The following MACF1 variants were observed in gnomAD, a reference collection of about 807,000 sequenced individuals.
The protein encoded by MACF1 is microtubule-actin cross-linking factor 1.
In MACF1, 193 loss-of-function variants were observed where a neutral mutation model predicts 854.8. The ratio of observed to expected loss-of-function variants is 0.23; its 90% CI spans 0.20 to 0.25. The LOEUF (loss-of-function observed/expected upper bound fraction) is 0.25. MACF1 is among the 10% of genes least tolerant of loss of function. The pLI is 1.00. For missense variants in MACF1, 7,722 were observed against 8,929.1 expected (o/e 0.86, Z 5.45); for synonymous variants, 3,185 against 3,226.7 (o/e 0.99, Z 0.44).
In MACF1 at chr1:39,444,671, T is replaced by A; in HGVS notation, c.19441T>A (p.Ser6481Thr). The change falls in exon 80 of 101, where the codon TCC becomes ACC. Residue 6481 changes from serine (S) to threonine (T), a missense_variant. Physicochemically the swap from Ser to Thr is moderately conservative, Grantham distance 58 (BLOSUM62 1). Coordinates refer to ENST00000564288, the MANE Select transcript of MACF1 (RefSeq NM_001394062.1). Reference sequence around the variant, plus strand: ...CTGCCTTTTCTTGTAGGAACTCTATTCCCAGCTGAAAGCCAAGGAAGAGAC... The same window carrying A: ...CTGCCTTTTCTTGTAGGAACTCTATACCCAGCTGAAAGCCAAGGAAGAGAC... ...EQLDTHMELY[S>T]QLKAKEETYN... The A allele has an allele frequency of 6.2e-7, 1 of 1,611,088 alleles. No individual in the cohort carries two copies. Among genetic ancestry groups the A allele is most frequent in the Non-Finnish European group, 8.5e-7 (1 of 1,178,134 alleles).
At chr1:39,240,761 A>C (rs2148321021) in intron 2 of MACF1, among the ~76,000 whole-genome samples, 1 of 152,300 alleles carries the variant, frequency 6.6e-6, no homozygotes, top group East Asian at 1.9e-4. Context: ...GGCCTCCTAA[A>C]GTGCTGGGAT....
At chr1:39,387,068 G>C (rs1641833935) in intron 57 of MACF1, 119 bp from the exon 58 acceptor site, 16 of 1,074,778 alleles carry the variant, frequency 1.5e-5, no homozygotes, top group Non-Finnish European at 2.1e-5. Flanking sequence ...GCCTCTTTTT[G>C]GTAGGCCCTC....
At chr1:39,288,582 G>A (rs529173601) in intron 15 of MACF1, among the ~76,000 whole-genome samples, 73 of 151,958 alleles carry the variant, frequency 4.8e-4, no homozygotes, top group Non-Finnish European at 9.7e-4. Flanking sequence ...GGCGGATTGT[G>A]TGAGTCCAGG....
intron 58 of MACF1, among the ~76,000 whole-genome samples, chr1:39,406,756 A>AAAAAAAAAAAAAAAAAAAAAAAAAAAAAC (rs746955922): frequency 2.6e-5 from 3 of 116,058 alleles, no homozygotes; most frequent in African/African-American, 1.2e-4. Flanking sequence ...AAAAAAAAAA[A>AAAAAAAAAAAAAAAAAAAAAAAAAAAAAC]AACATTCTTT....
At chr1:39,464,802 T>G in intron 94 of MACF1, 1 of 372,096 alleles carries the variant, frequency 2.7e-6, no homozygotes, top group Non-Finnish European at 5.1e-6. Context: ...TAATCCCAAC[T>G]ACTAGGGAGG....
chr1:39,456,391 T>C (rs1165096402), intron 89 of MACF1, among the ~76,000 whole-genome samples: 2 of 152,204 alleles, frequency 1.3e-5, no homozygotes, highest in African/African-American at 4.8e-5. Context: ...TTACATGAGA[T>C]AGTCAACACT....
At chr1:39,481,090 T>C in intron 99 of MACF1, 60 bp downstream of exon 99, 3 of 1,005,814 alleles carry the variant, frequency 3.0e-6, no homozygotes, top group Non-Finnish European at 4.6e-6. Context: ...CTACTGGACT[T>C]GACCAGCTCT....
intron 2 of MACF1, among the ~76,000 whole-genome samples, chr1:39,162,258 T>C (rs1322919337): frequency 6.6e-6 from 1 of 152,166 alleles, no homozygotes; most frequent in Non-Finnish European, 1.5e-5. Flanking sequence ...CGCCTTGGCT[T>C]CCCAAAGTGC....
At position 39,336,475 on chromosome 1, in the gene MACF1, T is replaced by C; in HGVS notation, c.9887T>C (p.Val3296Ala). The C allele has an allele frequency of 6.2e-7, 1 of 1,614,134 alleles. No individual in the cohort carries two copies. The highest frequency in any genetic ancestry group is 8.5e-7 in the Non-Finnish European group (1 of 1,179,960). ...CAGAATGCCATCATTAGTCCTACTGTTCTAGAGACCAGTGAAGAAAAGACA... is the reference window on the plus strand; with the variant it reads ...CAGAATGCCATCATTAGTCCTACTGCTCTAGAGACCAGTGAAGAAAAGACA... ...GQQNAIISPT[V>A]LETSEEKTVS... The change falls in exon 37 of 101, where the codon GTT becomes GCT. Residue 3296 changes from valine to alanine, a missense_variant. Val to Ala is a moderately conservative substitution (Grantham distance 64). Around this residue, in one of 15 missense-constraint regions of MACF1, gnomAD observed 854 missense variants for 852.6 expected, o/e 1.00. Coordinates refer to ENST00000564288, the MANE Select transcript of MACF1 (RefSeq NM_001394062.1).
At chr1:39,269,127 A>G in intron 6 of MACF1, 1 of 1,289,816 alleles carries the variant, frequency 7.8e-7, no homozygotes, top group Non-Finnish European at 1.0e-6. Context: ...GATGACTGTC[A>G]TTGCTCACCT....
At chr1:39,290,597 G>T (rs1234855192) in intron 15 of MACF1, among the ~76,000 whole-genome samples, 1 of 118,374 alleles carries the variant, frequency 8.4e-6, no homozygotes, top group African/African-American at 3.2e-5. Flanking sequence ...GGGTAAATCT[G>T]TTTTTTTTTT....
intron 2 of MACF1, among the ~76,000 whole-genome samples, chr1:39,135,055 C>T (rs1399927652): frequency 1.3e-5 from 2 of 152,128 alleles, no homozygotes; most frequent in African/African-American, 4.8e-5. Flanking sequence ...CCTTTTGTGT[C>T]TGGCTCATTT....
In MACF1 at chr1:39,361,503, G is replaced by A. The variant is rs138428016; in HGVS notation, c.12597G>A (p.Gln4199=). Residue 4199 remains glutamine (Q), a synonymous_variant, in exon 49 of 101, where the codon CAG becomes CAA. Transcript: ENST00000564288. ...CAGAGGTGAGCCAGCGGTTCGAACAGCTCTGTCTACAGCAGCAAGAAAAGG... is the reference window on the plus strand; with the variant it reads ...CAGAGGTGAGCCAGCGGTTCGAACAACTCTGTCTACAGCAGCAAGAAAAGG... ...KLAEVSQRFE[Q]LCLQQQEKES... 353 of 1,614,082 alleles carry A rather than the reference G, an allele frequency of 2.2e-4. 1 individual carries two copies. The highest frequency in any genetic ancestry group is 2.8e-4 in the Non-Finnish European group (332 of 1,180,058).
intron 2 of MACF1, among the ~76,000 whole-genome samples, chr1:39,167,620 C>T (rs916852766): frequency 2.2e-4 from 34 of 152,002 alleles, no homozygotes; most frequent in African/African-American, 7.0e-4. Flanking sequence ...GCAGGAGAAT[C>T]GCTTGAACCT....
In MACF1 at chr1:39,126,998, G is replaced by A. The variant is rs1017751467; in HGVS notation, c.220+42560G>A. Among the ~76,000 whole-genome samples, 10 of 152,206 alleles carry A rather than the reference G, an allele frequency of 6.6e-5. No individual in the cohort carries two copies. In the South Asian group the frequency reaches 2.1e-3, roughly 32 times the overall value. On this transcript the variant is annotated intron_variant, in intron 2 of 93. Coordinates refer to the MACF1 transcript ENST00000361689. The stretch of plus-strand genomic sequence containing the variant: ...TGTAATCCCAGCCCTTTGGGAGGGT[G>A]AGGCAGGTGGATCACCTGAGGTTGG...
Position 39,422,376 on chromosome 1 carries a change from G to A in MACF1, c.15819G>A (p.Met5273Ile). The change falls in exon 59 of 101, where the codon ATG becomes ATA. Residue 5273 changes from methionine (M) to isoleucine (I), a missense_variant and splice_region_variant. Transcript: ENST00000564288. ...TTCTTTGGCTTGTAATTATCTAGAT[G>A]TTTCAGAAAGAACAAGTGGATCCTC... Reference protein sequence around the residue: ...IINQQLADFKMFQKEQVDPLQ... With the variant: ...IINQQLADFKIFQKEQVDPLQ... 5 of 1,613,696 alleles carry A rather than the reference G, an allele frequency of 3.1e-6. No individual in the cohort carries two copies. Among genetic ancestry groups the A allele is most frequent in the Non-Finnish European group, 4.2e-6 (5 of 1,179,738 alleles).
rs1472187262 is a variant in MACF1, at chr1:39,332,697, G to A, written c.6109G>A (p.Val2037Met). ...ISGTFSSGWT[V>M]RLPEFQFSSQ... The stretch of plus-strand genomic sequence containing the variant: ...AGGAACTTTCAGCAGTGGGTGGACT[G>A]TGAGGCTGCCTGAGTTCCAGTTTTC... Residue 2037 changes from valine (V) to methionine (M), a missense_variant, in exon 37 of 101, where the codon GTG becomes ATG. By Grantham distance (21) the Val-to-Met change is conservative. Around this residue, in one of 15 missense-constraint regions of MACF1, gnomAD observed 1,531 missense variants for 1,601.6 expected, o/e 0.96. Coordinates refer to ENST00000564288, the MANE Select transcript of MACF1 (RefSeq NM_001394062.1). 3 of 1,614,198 alleles carry A rather than the reference G, an allele frequency of 1.9e-6. No individual in the cohort carries two copies. The highest frequency in any genetic ancestry group is 2.5e-6 in the Non-Finnish European group (3 of 1,180,028).
intron 2 of MACF1, among the ~76,000 whole-genome samples, chr1:39,170,600 C>A (rs1422077956): frequency 1.3e-5 from 2 of 152,198 alleles, no homozygotes; most frequent in African/African-American, 4.8e-5. Context: ...AATAAGATAT[C>A]AGTGAAACGA....
chr1:39,286,762 C>G (rs139663274), intron 14 of MACF1, among the ~76,000 whole-genome samples: 1 of 151,976 alleles, frequency 6.6e-6, no homozygotes, highest in Non-Finnish European at 1.5e-5. Context: ...GGACCCACAT[C>G]TCTTGACCCC....
Sources: gnomAD v4.1 joint callset for allele counts (sites outside exome capture counted in the v4.1 genomes callset) on GRCh38, gnomAD v4.1.1 for gene constraint, gnomAD v4.1.1 regional missense constraint, MANE v1.5 for transcripts, NCBI Gene and HGNC (gene_info 2026-07-23, HGNC 2026-07-21) for gene names.